SLC16A14: variants seen among roughly 807,000 people sequenced by gnomAD.
SLC16A14 encodes solute carrier family 16 member 14.
Under a neutral mutation model 35.8 loss-of-function variants are expected in SLC16A14, and 14 were observed. That is an observed-to-expected ratio of 0.39 (90% CI 0.26 to 0.61). SLC16A14 has a LOEUF of 0.61. Among genes scored for constraint, SLC16A14 ranks in the 20% least tolerant of loss-of-function variants. The pLI is 0.51. For synonymous variants in SLC16A14, 248 were observed against 258.9 expected (o/e 0.96, Z 0.40); for missense variants, 533 against 655.0 (o/e 0.81, Z 2.03).
chr2:230,060,576 G>C (rs2077744203), intron 1 of SLC16A14, among the ~76,000 whole-genome samples: 1 of 151,984 alleles, frequency 6.6e-6, no homozygotes, highest in Non-Finnish European at 1.5e-5. Context: ...TGCCCAAGCT[G>C]GTCTTGAACT....
intron 2 of SLC16A14, among the ~76,000 whole-genome samples, chr2:230,056,379 C>T (rs963723724): frequency 9.9e-5 from 15 of 151,728 alleles, no homozygotes; most frequent in Admixed American, 7.2e-4. Flanking sequence ...CTCAGCCTCC[C>T]GAGTAGCTGG....
intron 1 of SLC16A14, among the ~76,000 whole-genome samples, chr2:230,060,392 G>A (rs1368116002): frequency 6.6e-6 from 1 of 152,172 alleles, no homozygotes; most frequent in Admixed American, 6.5e-5. Flanking sequence ...CACCCAGGCT[G>A]GAGTGCAGTG....
chr2:230,059,187 C>T lies in SLC16A14; in HGVS notation c.166G>A (p.Val56Ile). Reference protein sequence around the residue: ...LIMGSQMALGVLNVEWLEEFH... With the variant: ...LIMGSQMALGILNVEWLEEFH... The stretch of plus-strand genomic sequence containing the variant: ...TCTTCCAGCCATTCCACGTTGAGGA[C>T]ACCCAGGGCCATCTGGGAGCCCATG... The change falls in exon 2 of 5, where the codon GTC becomes ATC. Residue 56 changes from valine to isoleucine, a missense_variant. Val to Ile is a conservative substitution (Grantham distance 29). Coordinates refer to ENST00000295190, the MANE Select transcript of SLC16A14 (RefSeq NM_152527.5). 2 of 1,614,182 alleles carry T rather than the reference C, an allele frequency of 1.2e-6. No homozygotes were observed. The highest frequency in any genetic ancestry group is 1.7e-6 in the Non-Finnish European group (2 of 1,180,040).
chr2:230,067,191 C>G (rs1051441943), intron 1 of SLC16A14: 1 of 154,114 alleles, frequency 6.5e-6, no homozygotes, highest in Non-Finnish European at 1.4e-5. Flanking sequence ...GGCCAGCAGG[C>G]TGAAGAGGCT....
chr2:230,053,208 G>T (rs1419119707), intron 2 of SLC16A14, among the ~76,000 whole-genome samples: 1 of 152,164 alleles, frequency 6.6e-6, no homozygotes, highest in Admixed American at 6.5e-5. Context: ...CTCCAAAAGT[G>T]CTGGGATTAT....
At position 230,037,444 on chromosome 2, in the gene SLC16A14, A is replaced by G. The variant is rs2077527345; in HGVS notation, c.1469T>C (p.Ile490Thr). 1 of 1,612,990 alleles carries G rather than the reference A, an allele frequency of 6.2e-7. No individual in the cohort carries two copies. The highest frequency in any genetic ancestry group is 1.1e-5 in the South Asian group (1 of 90,742). Reference protein sequence around the residue: ...LYMIGILFLLIQPCIRIIEQS... With the variant: ...LYMIGILFLLTQPCIRIIEQS... ...TTCTATAATTCGAATGCACGGCTGA[A>G]TAAGTAAAAAGAGTATTCCTATCAT... The change falls in exon 5 of 5, where the codon ATT becomes ACT. Residue 490 changes from isoleucine to threonine, a missense_variant. Ile to Thr is a moderately conservative substitution (Grantham distance 89). Transcript: ENST00000295190.
At chr2:230,043,998 C>T (rs2077580514) in intron 4 of SLC16A14, among the ~76,000 whole-genome samples, 1 of 152,240 alleles carries the variant, frequency 6.6e-6, no homozygotes, top group Non-Finnish European at 1.5e-5. Flanking sequence ...GGCCTCCGGG[C>T]CTGTGGTAGG....
At chr2:230,053,178 G>C (rs1157046140) in intron 2 of SLC16A14, among the ~76,000 whole-genome samples, 1 of 152,172 alleles carries the variant, frequency 6.6e-6, no homozygotes, top group East Asian at 1.9e-4. Context: ...GCTGACCTCA[G>C]GTGATCCACC....
chr2:230,058,642 T>A (rs949907968), intron 2 of SLC16A14, among the ~76,000 whole-genome samples: 2 of 152,244 alleles, frequency 1.3e-5, no homozygotes, highest in Non-Finnish European at 2.9e-5. Flanking sequence ...AAAATTATTT[T>A]TTTTTTTTGA....
rs1462538607 is a variant in SLC16A14, at chr2:230,049,798, G to T, written c.366C>A (p.Asn122Lys). The T allele has an allele frequency of 6.2e-7, 1 of 1,614,142 alleles. No individual in the cohort carries two copies. Among genetic ancestry groups the T allele is most frequent in the Non-Finnish European group, 8.5e-7 (1 of 1,180,016 alleles). The change falls in exon 3 of 5, where the codon AAC becomes AAA. Residue 122 changes from asparagine (N) to lysine (K), a missense_variant. Coordinates refer to ENST00000295190, the MANE Select transcript of SLC16A14 (RefSeq NM_152527.5). ...CAAAAGTAATGAAGAGATAATGCAC[G>T]TTTGCAGCATAGGCACTCAACACCC... is the stretch of plus-strand genomic sequence containing the variant. ...LGWVLSAYAA[N>K]VHYLFITFGV...
At chr2:230,048,548 C>T (rs1274810817) in intron 3 of SLC16A14, among the ~76,000 whole-genome samples, 1 of 152,220 alleles carries the variant, frequency 6.6e-6, no homozygotes, top group African/African-American at 2.4e-5. Context: ...GACAACCTAA[C>T]TGTACTCTAG....
chr2:230,057,913 C>T (rs112999568), intron 2 of SLC16A14, among the ~76,000 whole-genome samples: 30,920 of 151,910 alleles, frequency 0.2, 3,718 homozygotes, highest in Non-Finnish European at 0.27. Context: ...CCTGTAGTCC[C>T]AGCTACTAGG....
intron 3 of SLC16A14, 46 bp downstream of exon 3, chr2:230,049,715 C>G: frequency 6.3e-7 from 1 of 1,597,246 alleles, no homozygotes; most frequent in Non-Finnish European, 8.6e-7. Context: ...GCCAAGATGT[C>G]TTATAAAACA....
rs1326475536 is a variant in SLC16A14 at position 230,068,565 on chromosome 2, C to G, written c.-25G>C. ...GCCTCGGATACTCACCGCCCGAGGC[C>G]CGCTGGGCTGCGGCCTCACTCGGCT... On this transcript the variant is annotated 5_prime_UTR_variant, in exon 1 of 5. Coordinates refer to ENST00000295190, the MANE Select transcript of SLC16A14 (RefSeq NM_152527.5). The surrounding 1 kb of genome is among the most constrained non-coding windows in gnomAD (Gnocchi z 5.1). 6.5e-6 allele frequency: 1 copy of G among 152,848 alleles called. No homozygotes were observed. Among genetic ancestry groups the G allele is most frequent in the African/African-American group, 2.4e-5 (1 of 41,446 alleles). The allele number at this position is 152,848 out of a possible 1,614,324, so 9.5% of individuals were successfully genotyped here.
Position 230,035,301 on chromosome 2 carries a change from CTT to C in SLC16A14, c.*2077_*2078del, listed in dbSNP as rs1230398224. ...ACAAACTGAACGTGAGCAAGTCTAA[CTT>C]AGATGTAATTAGAGTTGAGTCATTG... On this transcript the variant is annotated 3_prime_UTR_variant, in exon 5 of 5. Transcript: ENST00000295190. 2.3e-4 allele frequency: 35 copies of C among 152,724 alleles called. No homozygotes were observed. The highest frequency in any genetic ancestry group is 2.1e-3 in the Admixed American group (32 of 15,300). The allele number at this position is 152,724 out of a possible 1,614,324, so 9.5% of individuals were successfully genotyped here.
chr2:230,045,699 C>T (rs2077599096), intron 4 of SLC16A14, 46 bp downstream of exon 4: 15 of 1,609,176 alleles, frequency 9.3e-6, no homozygotes, highest in Non-Finnish European at 1.3e-5. Flanking sequence ...ACATAACGCA[C>T]CATATGTACA....
Position 230,038,739 on chromosome 2 carries a change from C to G in SLC16A14, c.1382-1208G>C, listed in dbSNP as rs1339179371. Among the ~76,000 whole-genome samples the G allele has an allele frequency of 6.6e-6, 1 of 151,962 alleles. No homozygotes were observed. Among genetic ancestry groups the G allele is most frequent in the African/African-American group, 2.4e-5 (1 of 41,372 alleles). ...GGCCAACATGGCAAAACCCCCATCT[C>G]TACTAAAAAATACAAAAATTAGCTG... On this transcript the variant is annotated intron_variant, in intron 4 of 4. Coordinates refer to ENST00000295190, the MANE Select transcript of SLC16A14 (RefSeq NM_152527.5). This position sits in a 1 kb window ranked among gnomAD's most constrained non-coding sequence, Gnocchi z 4.4.
chr2:230,059,605 G>T (rs2077735267), intron 1 of SLC16A14, among the ~76,000 whole-genome samples: 1 of 152,162 alleles, frequency 6.6e-6, no homozygotes, highest in Non-Finnish European at 1.5e-5. Context: ...TTACAATCTT[G>T]GGAATAGACT....
At chr2:230,064,127 T>C (rs2077772583) in intron 1 of SLC16A14, among the ~76,000 whole-genome samples, 1 of 151,674 alleles carries the variant, frequency 6.6e-6, no homozygotes, top group South Asian at 2.1e-4. Context: ...TCAATAGATA[T>C]ATATTACCTG....
Sources: allele counts gnomAD v4.1 joint callset (sites outside exome capture counted in the v4.1 genomes callset), GRCh38; gene constraint gnomAD v4.1.1; non-coding constraint Gnocchi (gnomAD v3.1); transcripts MANE v1.5; gene names NCBI Gene and HGNC (gene_info 2026-07-23, HGNC 2026-07-21).